The following TUBGCP3 variants were observed in gnomAD, a reference collection of about 807,000 sequenced individuals.
TUBGCP3 encodes the protein tubulin gamma complex component 3, also known as gamma-tubulin complex component 3.
A neutral mutation model predicts 123.1 loss-of-function variants in TUBGCP3; 50 were observed. The ratio of observed to expected loss-of-function variants is 0.41; its 90% confidence interval spans 0.32 to 0.51. The LOEUF (loss-of-function observed/expected upper bound fraction) is 0.51, where lower values mean the gene tolerates loss of function less well. TUBGCP3 is among the 20% of genes least tolerant of loss of function. The pLI, the probability that TUBGCP3 is intolerant of heterozygous loss-of-function variation, is 0.36. For synonymous variants in TUBGCP3, 405 were observed against 413.9 expected (o/e 0.98, Z 0.26); for missense variants, 882 against 1,127.0 (o/e 0.78, Z 3.11).
chr13:112,588,088 G>T lies in TUBGCP3; in HGVS notation c.-108C>A. The T allele has an allele frequency of 9.8e-7, 1 of 1,015,292 alleles. No homozygotes were observed. The highest frequency in any genetic ancestry group is 1.3e-6 in the Non-Finnish European group (1 of 765,246). The allele number at this position is 1,015,292 out of a possible 1,614,324, so 62.9% of individuals were successfully genotyped here. On this transcript the variant is annotated 5_prime_UTR_variant, in exon 1 of 22. Transcript: ENST00000261965. ...TGCGCCCCGCAAGCTCCCTGCTCCT[G>T]ACAGGCTAAGGCGCGGGCGCCGCCG...
At chr13:112,502,822 G>A (rs1207911802) in intron 19 of TUBGCP3, among the ~76,000 whole-genome samples, 2 of 151,966 alleles carry the variant, frequency 1.3e-5, no homozygotes, top group Non-Finnish European at 2.9e-5. Context: ...TGGGATTACA[G>A]GCATGAGCCA....
upstream of TUBGCP3, among the ~76,000 whole-genome samples, chr13:112,590,205 T>C (rs1031968997): frequency 1.3e-5 from 2 of 152,148 alleles, no homozygotes; most frequent in African/African-American, 4.8e-5. Flanking sequence ...CTCGATCTCC[T>C]GACCTCGTGA....
chr13:112,547,535 T>TGCATGGGAAAGTCGC lies in TUBGCP3; in HGVS notation c.1168+70_1168+84dup, dbSNP rs761295205. The TGCATGGGAAAGTCGC allele has an allele frequency of 4.3e-6, 5 of 1,162,182 alleles. No individual in the cohort carries two copies. In the East Asian group the frequency reaches 8.8e-5, roughly 20 times the overall value. 72.0% of individuals were successfully genotyped at this position (1,162,182 alleles called of 1,614,324 possible). A position where few individuals can be genotyped will look rare whatever the true frequency, so the allele number is the denominator to read the frequency against. On this transcript the variant is annotated intron_variant, in intron 10 of 21. Coordinates refer to ENST00000261965, the MANE Select transcript of TUBGCP3 (RefSeq NM_006322.6). Reference sequence around the variant, plus strand: ...GGGAAAGACGCGCGTGGGAAAGACGTGCATGGGAAAGTCGCGCGTGGGAAA... The same window carrying TGCATGGGAAAGTCGC: ...GGGAAAGACGCGCGTGGGAAAGACGTGCATGGGAAAGTCGCGCATGGGAAAGTCGCGCGTGGGAAA...
At position 112,511,456 on chromosome 13, in the gene TUBGCP3, G is replaced by A. The variant is rs897537522; in HGVS notation, c.2086+4984C>T. Among the ~76,000 whole-genome samples, 12 of 152,188 alleles carry A rather than the reference G, an allele frequency of 7.9e-5. No individual in the cohort carries two copies. The highest frequency in any genetic ancestry group is 1.8e-4 in the Non-Finnish European group (12 of 68,018). On this transcript the variant is annotated intron_variant, in intron 17 of 21. Coordinates refer to ENST00000261965, the MANE Select transcript of TUBGCP3 (RefSeq NM_006322.6). This position sits in a 1 kb window ranked among gnomAD's most constrained non-coding sequence, Gnocchi z 4.1. ...AATAGAGCCAGGGTGGATCCAGGGT[G>A]TAATCTTTTTGAAGGCAATGAACCG... is the stretch of plus-strand genomic sequence containing the variant.
chr13:112,544,724 G>A (rs1333364528), intron 11 of TUBGCP3: 2 of 152,208 alleles, frequency 1.3e-5, no homozygotes, highest in African/African-American at 4.8e-5. Context: ...TACAAGACAG[G>A]CTAAGCAACT....
chr13:112,493,894 G>C (rs1880333958), intron 20 of TUBGCP3, among the ~76,000 whole-genome samples: 1 of 141,460 alleles, frequency 7.1e-6, no homozygotes, highest in Non-Finnish European at 1.5e-5. Context: ...TATAGGAATG[G>C]GGCCTGGTGT....
Position 112,554,547 on chromosome 13 carries a change from C to A in TUBGCP3, c.840+340G>T, listed in dbSNP as rs1879863971. Among the ~76,000 whole-genome samples the A allele has an allele frequency of 2.6e-5, 4 of 152,190 alleles. No individual in the cohort carries two copies. The South Asian group carries it at 8.3e-4, about 32-fold the overall frequency. On this transcript the variant is annotated intron_variant, in intron 7 of 21. Coordinates refer to ENST00000261965, the MANE Select transcript of TUBGCP3 (RefSeq NM_006322.6). ...AAAAGGAAACAAAAGTGGGTGAAGA[C>A]CCCTGACCTGGAATCCTGCATCAAT... is the stretch of plus-strand genomic sequence containing the variant.
chr13:112,516,485 G>A lies in TUBGCP3; in HGVS notation c.2041C>T (p.Arg681Trp), dbSNP rs776325801. The A allele has an allele frequency of 1.4e-5, 23 of 1,613,218 alleles. 1 individual carries two copies. The highest frequency in any genetic ancestry group is 3.3e-5 in the South Asian group (3 of 90,810). The change falls in exon 17 of 22, where the codon CGG becomes TGG. Residue 681 changes from arginine (R) to tryptophan (W), a missense_variant. Physicochemically the swap from Arg to Trp is moderately radical, Grantham distance 101. Coordinates refer to ENST00000261965, the MANE Select transcript of TUBGCP3 (RefSeq NM_006322.6). ...TTTGCATTGCACATGTGTCCCTTCC[G>A]TATGTCAGTGAGGATGTATTCCATC... The part of the protein sequence containing the change: ...KRMEYILTDI[R>W]KGHMCNAKLL...
At chr13:112,600,348 C>T in the TUBGCP3 span, among the ~76,000 whole-genome samples, 9 of 152,144 alleles carry the variant, frequency 5.9e-5, no homozygotes, top group African/African-American at 1.7e-4. Flanking sequence ...ATTAATATAA[C>T]GAGCTTCTGA....
At chr13:112,533,076 C>CA (rs1877719328) in intron 11 of TUBGCP3, among the ~76,000 whole-genome samples, 1 of 152,194 alleles carries the variant, frequency 6.6e-6, no homozygotes, top group Non-Finnish European at 1.5e-5. Flanking sequence ...GATTGGCACT[C>CA]AAAGAGCTTC....
rs554107365 is a variant in TUBGCP3, at chr13:112,560,069, G to A, written c.253-670C>T. Among the ~76,000 whole-genome samples, 370 of 150,948 alleles carry A rather than the reference G, an allele frequency of 2.5e-3. 3 individuals carry two copies. The highest frequency in any genetic ancestry group is 4.0e-3 in the Non-Finnish European group (272 of 67,742). ...GAATCACTTGAACCTGGGAAGCAGAGGTTGCAGTGAGCTGAGATTACACCA... is the reference window on the plus strand; with the variant it reads ...GAATCACTTGAACCTGGGAAGCAGAAGTTGCAGTGAGCTGAGATTACACCA... On this transcript the variant is annotated intron_variant, in intron 3 of 21. Coordinates refer to ENST00000261965, the MANE Select transcript of TUBGCP3 (RefSeq NM_006322.6).
intron 17 of TUBGCP3, among the ~76,000 whole-genome samples, chr13:112,510,019 T>A (rs1881564471): frequency 6.6e-6 from 1 of 152,120 alleles, no homozygotes. Flanking sequence ...ATTATAAGAA[T>A]CCCAAAAGCA....
rs1032847189 is a variant in TUBGCP3 at position 112,514,902 on chromosome 13, A to G, written c.2086+1538T>C. ...GAGGAAAAAACTACATGTCCAGGCA[A>G]AGAGAAATGATGAAATCATATGTAC... is the stretch of plus-strand genomic sequence containing the variant. On this transcript the variant is annotated intron_variant, in intron 17 of 21. Coordinates refer to ENST00000261965, the MANE Select transcript of TUBGCP3 (RefSeq NM_006322.6). Among the ~76,000 whole-genome samples, 2 of 152,232 alleles carry G rather than the reference A, an allele frequency of 1.3e-5. 1 individual carries two copies. The highest frequency in any genetic ancestry group is 4.1e-4 in the South Asian group (2 of 4,826).
intron 19 of TUBGCP3, among the ~76,000 whole-genome samples, chr13:112,503,530 C>CGGCT (rs1315414919): frequency 2.0e-5 from 3 of 152,026 alleles, no homozygotes; most frequent in African/African-American, 7.3e-5. Flanking sequence ...CCACCACGAC[C>CGGCT]GGCTAGTGTG....
At chr13:112,530,014 A>C (rs1877450560) in intron 11 of TUBGCP3, among the ~76,000 whole-genome samples, 1 of 152,242 alleles carries the variant, frequency 6.6e-6, no homozygotes, top group South Asian at 2.1e-4. Flanking sequence ...CTGGAAATAT[A>C]AAATGCTACC....
chr13:112,531,853 C>A (rs1877606201), intron 11 of TUBGCP3, among the ~76,000 whole-genome samples: 1 of 152,028 alleles, frequency 6.6e-6, no homozygotes, highest in South Asian at 2.1e-4. Flanking sequence ...TTGCGATACG[C>A]TTTTATTTTA....
At chr13:112,486,210 T>G in intron 21 of TUBGCP3, 59 bp from the exon 22 acceptor site, 1 of 1,591,740 alleles carries the variant, frequency 6.3e-7, no homozygotes, top group Non-Finnish European at 8.6e-7. Flanking sequence ...CACAAACGTA[T>G]TCCCCGGACC....
At chr13:112,531,266 C>T (rs1877548136) in intron 11 of TUBGCP3, among the ~76,000 whole-genome samples, 1 of 152,218 alleles carries the variant, frequency 6.6e-6, no homozygotes, top group African/African-American at 2.4e-5. Flanking sequence ...TTATTTTCAA[C>T]TAAAATGTCT....
At chr13:112,502,099 A>T (rs1247794761) in intron 19 of TUBGCP3, among the ~76,000 whole-genome samples, 3 of 152,222 alleles carry the variant, frequency 2.0e-5, no homozygotes, top group African/African-American at 7.2e-5. Context: ...CACCTCTGTA[A>T]AACACACACA....
Sources: gnomAD v4.1 joint callset for allele counts (sites outside exome capture counted in the v4.1 genomes callset) on GRCh38, gnomAD v4.1.1 for gene constraint, Gnocchi (gnomAD v3.1) non-coding constraint, MANE v1.5 for transcripts, NCBI Gene and HGNC (gene_info 2026-07-23, HGNC 2026-07-21) for gene names.